The following NRXN1 variants were observed in gnomAD, a reference collection of about 807,000 sequenced individuals.
NRXN1 encodes the protein neurexin 1.
A neutral mutation model predicts 150.9 loss-of-function variants in NRXN1; 39 were observed. The ratio of observed to expected loss-of-function variants is 0.26; its 90% CI spans 0.20 to 0.34. The LOEUF (loss-of-function observed/expected upper bound fraction) is 0.34, where lower values mean the gene tolerates loss of function less well. Among genes scored for constraint, NRXN1 ranks in the 10% least tolerant of loss-of-function variants. The pLI, the probability that NRXN1 is intolerant of heterozygous loss-of-function variation, is 1.00. For synonymous variants in NRXN1, 924 were observed against 757.0 expected, an observed-to-expected ratio of 1.22 and a Z score of -3.62; for missense variants, 1,815 against 1,949.9, an observed-to-expected ratio of 0.93 and a Z score of 1.30.
chr2:50,252,824 T>C (rs1234169938), intron 17 of NRXN1, among the ~76,000 whole-genome samples: 2 of 152,178 alleles, frequency 1.3e-5, no homozygotes, highest in Non-Finnish European at 2.9e-5. Context: ...CCTTGTAGTA[T>C]AGTTTAAAGT....
chr2:50,694,078 C>T (rs937221654), intron 5 of NRXN1, among the ~76,000 whole-genome samples: 1 of 152,174 alleles, frequency 6.6e-6, no homozygotes, highest in Non-Finnish European at 1.5e-5. Context: ...TAAGTGTGAG[C>T]TACCACGTCC....
chr2:50,287,664 G>A (rs1212856591), intron 17 of NRXN1, among the ~76,000 whole-genome samples: 1 of 152,078 alleles, frequency 6.6e-6, no homozygotes, highest in Non-Finnish European at 1.5e-5. Flanking sequence ...TAATGGAATG[G>A]TCTGATTTCT....
At chr2:50,766,554 G>C (rs1330575794) in intron 5 of NRXN1, among the ~76,000 whole-genome samples, 4 of 151,962 alleles carry the variant, frequency 2.6e-5, no homozygotes, top group African/African-American at 9.7e-5. Context: ...AGGGCTGCAG[G>C]ATTTAATAAA....
intron 5 of NRXN1, among the ~76,000 whole-genome samples, chr2:50,770,297 G>A (rs1254027492): frequency 6.6e-6 from 1 of 151,818 alleles, no homozygotes; most frequent in Non-Finnish European, 1.5e-5. Context: ...ATATTTGTGT[G>A]TATATTTGTA....
intron 5 of NRXN1, among the ~76,000 whole-genome samples, chr2:50,766,167 T>C (rs776899775): frequency 7.9e-5 from 12 of 151,922 alleles, no homozygotes; most frequent in Non-Finnish European, 1.5e-4. Context: ...AGCATAGAAA[T>C]CAGGGAGGAA....
intron 8 of NRXN1, among the ~76,000 whole-genome samples, chr2:50,573,086 C>T (rs1670890307): frequency 6.6e-6 from 1 of 152,070 alleles, no homozygotes; most frequent in South Asian, 2.1e-4. Flanking sequence ...AAAATTATAT[C>T]AGTCCAGGCA....
chr2:50,583,102 A>G (rs1054664914), intron 8 of NRXN1, among the ~76,000 whole-genome samples: 2 of 151,518 alleles, frequency 1.3e-5, no homozygotes, highest in Non-Finnish European at 2.9e-5. Flanking sequence ...CCAGGCTGCA[A>G]TTCAGCGGCA....
chr2:50,079,367 AT>A (rs1697584236), intron 19 of NRXN1, among the ~76,000 whole-genome samples: 1 of 152,048 alleles, frequency 6.6e-6, no homozygotes, highest in East Asian at 1.9e-4. Flanking sequence ...ACACCCATTC[AT>A]TTTCCTATTA....
At chr2:50,705,125 G>T (rs1694258551) in intron 5 of NRXN1, among the ~76,000 whole-genome samples, 1 of 150,942 alleles carries the variant, frequency 6.6e-6, no homozygotes, top group African/African-American at 2.4e-5. Flanking sequence ...CTGTAACTCA[G>T]AACTGAATTA....
chr2:50,761,367 T>C (rs1010067496), intron 5 of NRXN1, among the ~76,000 whole-genome samples: 1 of 151,848 alleles, frequency 6.6e-6, no homozygotes, highest in Non-Finnish European at 1.5e-5. Context: ...TTCCTGGCCG[T>C]TCTCATGATA....
intron 18 of NRXN1, among the ~76,000 whole-genome samples, chr2:50,191,720 T>G (rs2061455166): frequency 6.6e-6 from 1 of 152,212 alleles, no homozygotes; most frequent in African/African-American, 2.4e-5. Context: ...TTCAGCATAG[T>G]TCCCCTGAGA....
intron 5 of NRXN1, among the ~76,000 whole-genome samples, chr2:50,675,768 T>A (rs1460221592): frequency 1.3e-5 from 2 of 152,138 alleles, no homozygotes; most frequent in East Asian, 1.9e-4. Flanking sequence ...TTTTATGAAC[T>A]GTCACAAGAG....
chr2:50,845,836 T>C (rs1344630477), intron 5 of NRXN1, among the ~76,000 whole-genome samples: 1 of 152,214 alleles, frequency 6.6e-6, no homozygotes, highest in Admixed American at 6.5e-5. Context: ...AATAAGGCTT[T>C]TTGAATTTTT....
chr2:50,091,297 C>A, intron 19 of NRXN1, 26 bp downstream of exon 19: 1 of 1,613,340 alleles, frequency 6.2e-7, no homozygotes, highest in Non-Finnish European at 8.5e-7. Context: ...ATAAAATCTT[C>A]CCCCGATACA....
intron 19 of NRXN1, among the ~76,000 whole-genome samples, chr2:50,077,551 G>A (rs911030721): frequency 5.9e-5 from 9 of 151,966 alleles, no homozygotes; most frequent in Non-Finnish European, 1.2e-4. Flanking sequence ...GCCAACCTGA[G>A]CAATAAAAAT....
intron 5 of NRXN1, among the ~76,000 whole-genome samples, chr2:50,716,709 C>G (rs1156630629): frequency 6.6e-6 from 1 of 152,078 alleles, no homozygotes; most frequent in Non-Finnish European, 1.5e-5. Flanking sequence ...TACTGGATTT[C>G]CGGAGCTAAC....
intron 2 of NRXN1, among the ~76,000 whole-genome samples, chr2:50,989,470 C>T (rs978706916): frequency 6.6e-6 from 1 of 151,946 alleles, no homozygotes; most frequent in Admixed American, 6.6e-5. Flanking sequence ...GCCCCTACAA[C>T]CCAGGCATTT....
Position 50,575,370 on chromosome 2 carries a change from G to A in NRXN1, c.1321-22345C>T, listed in dbSNP as rs1318683756. 2.6e-5 allele frequency among the ~76,000 whole-genome samples: 4 copies of A among 152,258 alleles called. 1 individual carries two copies. The South Asian group carries it at 8.3e-4, about 32-fold the overall frequency. On this transcript the variant is annotated intron_variant, in intron 8 of 22. Coordinates refer to ENST00000401669, the MANE Select transcript of NRXN1 (RefSeq NM_001330078.2). ...GGTGCTGGGCTGCATCTTCCCCAGG[G>A]TGGGCGACATATGGGCTAGCAGTAG...
At chr2:50,250,181 A>T (rs1316047730) in intron 17 of NRXN1, among the ~76,000 whole-genome samples, 1 of 152,062 alleles carries the variant, frequency 6.6e-6, no homozygotes, top group Non-Finnish European at 1.5e-5. Flanking sequence ...CTGTCTCCCA[A>T]ATTAAGAATT....
Sources: gnomAD v4.1 joint callset for allele counts (sites outside exome capture counted in the v4.1 genomes callset) on GRCh38, gnomAD v4.1.1 for gene constraint, MANE v1.5 for transcripts, NCBI Gene and HGNC (gene_info 2026-07-23, HGNC 2026-07-21) for gene names.